TNRC6C: variants seen among roughly 807,000 people sequenced by gnomAD.
The protein encoded by TNRC6C is trinucleotide repeat-containing gene 6C protein.
In TNRC6C, 20 loss-of-function variants were observed where a neutral mutation model predicts 153.7. That is an observed-to-expected ratio of 0.13 (90% CI 0.09 to 0.19). The LOEUF is 0.19. TNRC6C is among the 10% of genes least tolerant of loss of function. The pLI is 1.00. For synonymous variants in TNRC6C, 811 were observed against 841.4 expected (o/e 0.96, Z 0.63); for missense variants, 1,987 against 2,172.0 (o/e 0.91, Z 1.69).
rs202232976 is a variant in TNRC6C at position 78,006,826 on chromosome 17, TTA to T, written c.-546+1749_-546+1750del. On this transcript the variant is annotated intron_variant, in intron 1 of 19. Coordinates refer to ENST00000301624, the Ensembl canonical transcript of TNRC6C. ...AATTTTCTTTTATTTATTTATTTAT[TTA>T]TTTTTTTTTTTTTTGAGATGGAGTC... Among the ~76,000 whole-genome samples the T allele has an allele frequency of 4.2e-3, 617 of 146,780 alleles. 5 individuals carry two copies. The highest frequency in any genetic ancestry group is 0.015 in the African/African-American group (576 of 38,194).
chr17:78,027,921 T>G (rs2071974468), intron 1 of TNRC6C, among the ~76,000 whole-genome samples: 1 of 145,856 alleles, frequency 6.9e-6, no homozygotes, highest in African/African-American at 2.7e-5. Flanking sequence ...TTTTTTTTTT[T>G]GAGATGGAGT....
intron 1 of TNRC6C, among the ~76,000 whole-genome samples, chr17:77,980,954 G>C (rs2071067574): frequency 6.6e-6 from 1 of 152,006 alleles, no homozygotes; most frequent in Non-Finnish European, 1.5e-5. Flanking sequence ...AATCCTTTTG[G>C]GTTTGTTTTG....
At chr17:78,068,072 G>T in intron 5 of TNRC6C, 149 bp downstream of exon 7, 1 of 822,460 alleles carries the variant, frequency 1.2e-6, no homozygotes. Context: ...CCTTTCAGGG[G>T]AGTAAGCAAG....
At chr17:78,036,593 A>G (rs1030603958) in intron 2 of TNRC6C, among the ~76,000 whole-genome samples, 1 of 152,176 alleles carries the variant, frequency 6.6e-6, no homozygotes, top group Non-Finnish European at 1.5e-5. Flanking sequence ...ATATTTATAT[A>G]CTGTTACAGT....
At chr17:77,985,567 A>T (rs992983663) in intron 1 of TNRC6C, among the ~76,000 whole-genome samples, 1 of 149,276 alleles carries the variant, frequency 6.7e-6, no homozygotes, top group African/African-American at 2.5e-5. Flanking sequence ...GCGCCACTGC[A>T]CTCCAGCCTG....
rs145107506 is a variant in TNRC6C at position 78,009,081 on chromosome 17, T to G, written c.-546+4002T>G. Among the ~76,000 whole-genome samples, 174 of 152,270 alleles carry G rather than the reference T, an allele frequency of 1.1e-3. 1 individual carries two copies. The Middle Eastern group carries it at 0.024, about 21-fold the overall frequency. ...AGAGACAGCCGAACACAATTACCTGTTACCTTAGTGAGACCCTAGATGCTC... is the reference window on the plus strand; with the variant it reads ...AGAGACAGCCGAACACAATTACCTGGTACCTTAGTGAGACCCTAGATGCTC... On this transcript the variant is annotated intron_variant, in intron 1 of 19. Coordinates refer to ENST00000301624, the Ensembl canonical transcript of TNRC6C.
rs1422309911 is a variant in TNRC6C, at chr17:78,036,971, GTTAT to G, written c.-219+5136_-219+5139del. 2.6e-5 allele frequency among the ~76,000 whole-genome samples: 4 copies of G among 151,640 alleles called. No homozygotes were observed. In the East Asian group the frequency reaches 5.8e-4, roughly 22 times the overall value. ...GAATGGAAAGAGACTTAGTCTGACAGTTATTTATTTCATTATTCTTTTTCTTTAT... is the reference window on the plus strand; with the variant it reads ...GAATGGAAAGAGACTTAGTCTGACAGTTATTTCATTATTCTTTTTCTTTAT... On this transcript the variant is annotated intron_variant, in intron 2 of 19. Transcript: ENST00000301624.
rs922237897 is a variant in TNRC6C, at chr17:78,065,077, A to G, written c.2611+140A>G. The G allele has an allele frequency of 4.0e-6, 4 of 1,003,036 alleles. No individual in the cohort carries two copies. In the Admixed American group the frequency reaches 7.9e-5, roughly 20 times the overall value. 62.1% of individuals were successfully genotyped at this position (1,003,036 alleles called of 1,614,324 possible). Reference sequence around the variant, plus strand: ...CAAACCAAGAGTCTTGGCCAAGCACAGTGCCTCACACCTATAATCCCAGCA... The same window carrying G: ...CAAACCAAGAGTCTTGGCCAAGCACGGTGCCTCACACCTATAATCCCAGCA... On this transcript the variant is annotated intron_variant, in intron 4 of 19. Transcript: ENST00000301624.
At chr17:77,976,907 C>T (rs1393723861) in intron 1 of TNRC6C, among the ~76,000 whole-genome samples, 10 of 113,076 alleles carry the variant, frequency 8.8e-5, no homozygotes, top group South Asian at 2.9e-4. Flanking sequence ...CCAGCTCAGG[C>T]GACAAGAGCA....
intron 3 of TNRC6C, among the ~76,000 whole-genome samples, chr17:78,059,889 C>T (rs1312161973): frequency 2.6e-5 from 4 of 151,736 alleles, no homozygotes; most frequent in African/African-American, 7.3e-5. Flanking sequence ...GTGTGCCCCC[C>T]GCCACCGATA....
chr17:77,971,039 G>T (rs1019978523), intron 1 of TNRC6C, among the ~76,000 whole-genome samples: 1 of 151,986 alleles, frequency 6.6e-6, no homozygotes, highest in African/African-American at 2.4e-5. Context: ...AGTAGGTGGG[G>T]GGTATAAAAT....
chr17:78,024,356 G>T (rs558500432), intron 1 of TNRC6C, among the ~76,000 whole-genome samples: 136 of 151,518 alleles, frequency 9.0e-4, no homozygotes, highest in African/African-American at 2.8e-3. Flanking sequence ...GTTTTTTTTG[G>T]TTTTTTTGTT....
intron 1 of TNRC6C, among the ~76,000 whole-genome samples, chr17:78,016,709 C>T (rs1317739245): frequency 6.6e-6 from 1 of 152,136 alleles, no homozygotes; most frequent in Non-Finnish European, 1.5e-5. Context: ...CCTCCTTTAA[C>T]ATGATTATTT....
exon 5 of TNRC6C, chr17:78,067,898 A>G (rs777061767): frequency 5.6e-6 from 9 of 1,612,178 alleles, no homozygotes; most frequent in African/African-American, 5.3e-5. Context: ...TCCTGGGGGA[A>G]CGCCCCCAAA....
At chr17:77,963,193 A>C (rs1283223504) in intron 1 of TNRC6C, among the ~76,000 whole-genome samples, 13 of 152,236 alleles carry the variant, frequency 8.5e-5, no homozygotes, top group Admixed American at 8.5e-4. Flanking sequence ...TTACTTAAAA[A>C]TGTAAAGGTT....
intron 1 of TNRC6C, among the ~76,000 whole-genome samples, chr17:78,020,651 A>G (rs1424403026): frequency 6.6e-6 from 1 of 152,254 alleles, no homozygotes; most frequent in Non-Finnish European, 1.5e-5. Context: ...TAGTTGCATC[A>G]TCTAAAAAGT....
intron 5 of TNRC6C, among the ~76,000 whole-genome samples, chr17:78,069,189 T>C (rs557488856): frequency 3.4e-4 from 51 of 151,300 alleles, no homozygotes; most frequent in Middle Eastern, 3.5e-3. Context: ...CCCTGATACA[T>C]AAAGTCCTAG....
At chr17:78,094,660 G>A (rs970137432) in intron 16 of TNRC6C, among the ~76,000 whole-genome samples, 25 of 152,166 alleles carry the variant, frequency 1.6e-4, no homozygotes, top group African/African-American at 5.5e-4. Flanking sequence ...GGCTGATCTC[G>A]AACTCCTGAC....
chr17:77,985,115 T>C (rs193100905), intron 1 of TNRC6C, among the ~76,000 whole-genome samples: 72 of 152,354 alleles, frequency 4.7e-4, no homozygotes, highest in Non-Finnish European at 3.2e-4. Flanking sequence ...ATTCATTTTC[T>C]GTTTTTGCGT....
Sources: gnomAD v4.1 joint callset for allele counts (sites outside exome capture counted in the v4.1 genomes callset) on GRCh38, gnomAD v4.1.1 for gene constraint, MANE v1.5 for transcripts, NCBI Gene and HGNC (gene_info 2026-07-23, HGNC 2026-07-21) for gene names.